CRX: variants seen among roughly 807,000 people sequenced by gnomAD.
CRX encodes the protein cone-rod homeobox.
A neutral mutation model predicts 13.1 loss-of-function variants in CRX; 5 were observed. The observed-to-expected ratio is 0.38, with a 90% CI of 0.20 to 0.80. The LOEUF (loss-of-function observed/expected upper bound fraction) is 0.80. Ranked by LOEUF, CRX falls within the 30% of genes least tolerant of loss-of-function variation. The pLI is 0.43. For missense variants in CRX, 351 were observed against 391.8 expected, an observed-to-expected ratio of 0.90 and a Z score of 0.88; for synonymous variants, 179 against 171.1, an observed-to-expected ratio of 1.05 and a Z score of -0.36.
At chr19:47,835,635 T>TC (rs1968108489) in intron 2 of CRX, among the ~76,000 whole-genome samples, 1 of 148,198 alleles carries the variant, frequency 6.7e-6, no homozygotes, top group Non-Finnish European at 1.5e-5. Context: ...TTTTTTTTTT[T>TC]TTTTCAAGAC....
rs138912560 is a variant in CRX at position 47,829,225 on chromosome 19, C to T, written c.-35-5184C>T. 5.1e-3 allele frequency among the ~76,000 whole-genome samples: 773 copies of T among 152,228 alleles called. 29 individuals are homozygous for T. The highest frequency in any genetic ancestry group is 0.047 in the Admixed American group (713 of 15,278). Reference sequence around the variant, plus strand: ...CCACCTCCCAGGTTCCAGAGGGTCTCCTGCCTCCGCTTCCCAAGTAGCTGG... The same window carrying T: ...CCACCTCCCAGGTTCCAGAGGGTCTTCTGCCTCCGCTTCCCAAGTAGCTGG... On this transcript the variant is annotated intron_variant, in intron 1 of 3. Coordinates refer to ENST00000221996, the MANE Select transcript of CRX (RefSeq NM_000554.6).
chr19:47,836,610 A>C (rs1968121055), intron 3 of CRX, among the ~76,000 whole-genome samples: 1 of 151,712 alleles, frequency 6.6e-6, no homozygotes, highest in Non-Finnish European at 1.5e-5. Flanking sequence ...CCTGCCTGCC[A>C]AGCACCCTCC....
chr19:47,836,455 G>C (rs1049450128), intron 3 of CRX, 61 bp downstream of exon 3: 1 of 1,602,786 alleles, frequency 6.2e-7, no homozygotes, highest in East Asian at 2.2e-5. Flanking sequence ...AGGCCTGCCC[G>C]GAACAAAGAG....
At chr19:47,830,775 G>A (rs1054672931) in intron 1 of CRX, among the ~76,000 whole-genome samples, 17 of 144,030 alleles carry the variant, frequency 1.2e-4, no homozygotes, top group African/African-American at 4.1e-4. Context: ...CAGCCTGGGC[G>A]ACAGAACAAG....
intron 1 of CRX, among the ~76,000 whole-genome samples, chr19:47,823,203 A>G (rs562919611): frequency 6.6e-6 from 1 of 152,162 alleles, no homozygotes; most frequent in East Asian, 1.9e-4. Flanking sequence ...TGCTTGGGTC[A>G]GTCCTAGACA....
At chr19:47,823,203 A>T (rs562919611) in intron 1 of CRX, among the ~76,000 whole-genome samples, 1 of 152,280 alleles carries the variant, frequency 6.6e-6, no homozygotes, top group African/African-American at 2.4e-5. Context: ...TGCTTGGGTC[A>T]GTCCTAGACA....
At position 47,834,434 on chromosome 19, in the gene CRX, C is replaced by A; in HGVS notation, c.-10C>A. On this transcript the variant is annotated 5_prime_UTR_variant, in exon 2 of 4. Transcript: ENST00000221996. Reference sequence around the variant, plus strand: ...GCCCCCTGACTTGGGCCTCAGTGTCCCCGAAGATCATGATGGCGTATATGA... The same window carrying A: ...GCCCCCTGACTTGGGCCTCAGTGTCACCGAAGATCATGATGGCGTATATGA... The A allele has an allele frequency of 6.2e-7, 1 of 1,610,466 alleles. No homozygotes were observed. The highest frequency in any genetic ancestry group is 8.5e-7 in the Non-Finnish European group (1 of 1,176,692).
At position 47,842,618 on chromosome 19, in the gene CRX, T is replaced by C. The variant is rs1247502305; in HGVS notation, c.*2651T>C. ...ACAACAAAAATAACCCAGGAGTGGC[T>C]CAAGAGTCCAGTGTGGGATGAAAAT... On this transcript the variant is annotated 3_prime_UTR_variant, in exon 4 of 4. Transcript: ENST00000221996. 2 of 151,888 alleles carry C rather than the reference T, an allele frequency of 1.3e-5. No homozygotes were observed. The allele number at this position is 151,888 out of a possible 1,614,324, so 9.4% of individuals were successfully genotyped here. A position where few individuals can be genotyped will look rare whatever the true frequency, so the allele number is the denominator to read the frequency against.
At chr19:47,828,067 T>A (rs1599972111) in intron 1 of CRX, among the ~76,000 whole-genome samples, 1 of 151,028 alleles carries the variant, frequency 6.6e-6, no homozygotes, top group African/African-American at 2.4e-5. Context: ...GGCAGGAGAA[T>A]CACTTGACCC....
At chr19:47,835,541 T>C (rs1219370034) in intron 2 of CRX, among the ~76,000 whole-genome samples, 3 of 142,056 alleles carry the variant, frequency 2.1e-5, no homozygotes, top group Non-Finnish European at 3.1e-5. Flanking sequence ...CACACCACCA[T>C]GCCCGGCCAA....
rs281865201 is a variant in CRX at position 47,839,302 on chromosome 19, T to A, written c.253-18T>A. 1 of 1,611,394 alleles carries A rather than the reference T, an allele frequency of 6.2e-7. No individual in the cohort carries two copies. The highest frequency in any genetic ancestry group is 8.5e-7 in the Non-Finnish European group (1 of 1,179,172). On this transcript the variant is annotated intron_variant, in intron 3 of 3. Transcript: ENST00000221996. This position sits in a 1 kb window ranked among gnomAD's most constrained non-coding sequence, Gnocchi z 4.6. ...TCTTCCCCACTTACCCACCCCCATC[T>A]CCGCTCTTATCCCCCAGGTTTGGTT...
In CRX at chr19:47,823,700, A is replaced by G. The variant is rs145042799; in HGVS notation, c.-36+1690A>G. Among the ~76,000 whole-genome samples, 1,295 of 136,744 alleles carry G rather than the reference A, an allele frequency of 9.5e-3. 15 individuals carry two copies. The highest frequency in any genetic ancestry group is 0.026 in the Middle Eastern group (6 of 228). The allele number at this position is 136,744 out of a possible 152,430, so 89.7% of individuals were successfully genotyped here. A position where few individuals can be genotyped will look rare whatever the true frequency, so the allele number is the denominator to read the frequency against. On this transcript the variant is annotated intron_variant, in intron 1 of 3. Coordinates refer to ENST00000221996, the MANE Select transcript of CRX (RefSeq NM_000554.6). ...AGTCTCACTCTGTGGCCCAGGCTGG[A>G]GTGCAGTGGCATGACCTCAGCTCAG... is the stretch of plus-strand genomic sequence containing the variant.
chr19:47,824,752 G>A (rs1967954788), intron 1 of CRX, among the ~76,000 whole-genome samples: 1 of 152,118 alleles, frequency 6.6e-6, no homozygotes, highest in Non-Finnish European at 1.5e-5. Flanking sequence ...GACCCAGTGA[G>A]TGCCGAACCC....
intron 1 of CRX, among the ~76,000 whole-genome samples, chr19:47,825,008 T>TTTTTG (rs1555800861): frequency 6.0e-5 from 9 of 149,148 alleles, no homozygotes; most frequent in African/African-American, 2.0e-4. Context: ...TTTTTTTTTT[T>TTTTTG]GGGATGGAGT....
rs527236063 is a variant in CRX at position 47,839,964 on chromosome 19, G to A, written c.897G>A (p.Leu299=). Residue 299 remains leucine (L), a synonymous_variant, in exon 4 of 4, where the codon TTG becomes TTA. Coordinates refer to ENST00000221996, the MANE Select transcript of CRX (RefSeq NM_000554.6). The surrounding 1 kb of genome is among the most constrained non-coding windows in gnomAD (Gnocchi z 4.6). ...AGAGTGCCTGGAAGTTTCAGATCTT[G>A]TAGAGGACGCAGTCTCCATCTCTCT... ...KDQSAWKFQI[L] is the part of the protein sequence containing the mutation. The A allele has an allele frequency of 6.2e-7, 1 of 1,613,296 alleles. No individual in the cohort carries two copies. The highest frequency in any genetic ancestry group is 8.5e-7 in the Non-Finnish European group (1 of 1,180,028).
chr19:47,838,634 T>C (rs1281924298), intron 3 of CRX, among the ~76,000 whole-genome samples: 2 of 150,490 alleles, frequency 1.3e-5, no homozygotes, highest in Non-Finnish European at 2.9e-5. Flanking sequence ...GTGTATGATG[T>C]ATGTATGTAT....
chr19:47,825,239 A>C (rs183190094), intron 1 of CRX, among the ~76,000 whole-genome samples: 3 of 151,524 alleles, frequency 2.0e-5, no homozygotes, highest in African/African-American at 4.8e-5. Context: ...CAGCCTCCCA[A>C]AGTGCTGAGC....
Position 47,839,715 on chromosome 19 carries a change from C to T in CRX, c.648C>T (p.Ser216=), listed in dbSNP as rs772398140. Residue 216 remains serine, a synonymous_variant, in exon 4 of 4, where the codon AGC becomes AGT. Transcript: ENST00000221996. The surrounding 1 kb of genome is among the most constrained non-coding windows in gnomAD (Gnocchi z 4.6). ...ATGGGTCTCCGAGCTCCTATTTCAG[C>T]GGCCTAGACCCCTACCTTTCTCCCA... The part of the protein sequence containing the change: ...SAYGSPSSYF[S]GLDPYLSPMV... 19 of 1,613,886 alleles carry T rather than the reference C, an allele frequency of 1.2e-5. No homozygotes were observed. Among genetic ancestry groups the T allele is most frequent in the Middle Eastern group, 1.6e-4 (1 of 6,084 alleles).
intron 2 of CRX, 25 bp from the exon 3 acceptor site, chr19:47,836,218 G>A (rs899093066): frequency 1.9e-6 from 3 of 1,613,956 alleles, no homozygotes; most frequent in African/African-American, 2.7e-5. Context: ...ATGACCTGAG[G>A]GTCCTGTTTC....
Sources: gnomAD v4.1 joint callset for allele counts (sites outside exome capture counted in the v4.1 genomes callset) on GRCh38, gnomAD v4.1.1 for gene constraint, Gnocchi (gnomAD v3.1) non-coding constraint, MANE v1.5 for transcripts, NCBI Gene and HGNC (gene_info 2026-07-23, HGNC 2026-07-21) for gene names.